SIN3A: variants seen among roughly 807,000 people sequenced by gnomAD.
SIN3A encodes the protein SIN3 transcription regulator family member A, also known as paired amphipathic helix protein Sin3a.
Under a neutral mutation model 146.1 loss-of-function variants are expected in SIN3A, and 14 were observed. The observed-to-expected ratio is 0.10, with a 90% confidence interval of 0.06 to 0.15. SIN3A has a LOEUF of 0.15. Ranked by LOEUF, SIN3A falls within the 10% of genes least tolerant of loss-of-function variation. SIN3A has a pLI of 1.00. For missense variants in SIN3A, 1,028 were observed against 1,576.0 expected (o/e 0.65, Z 5.89); for synonymous variants, 572 against 572.0 (o/e 1.00, Z 0.00).
intron 19 of SIN3A, among the ~76,000 whole-genome samples, chr15:75,376,859 T>TA (rs200318256): frequency 0.018 from 2,095 of 115,580 alleles, 31 homozygotes; most frequent in Non-Finnish European, 0.024. Context: ...GACACTGTCT[T>TA]AAAAAAAAAA....
At chr15:75,449,153 T>C (rs959106629) in intron 1 of SIN3A, among the ~76,000 whole-genome samples, 1 of 152,372 alleles carries the variant, frequency 6.6e-6, no homozygotes, top group African/African-American at 2.4e-5. Context: ...CGTTCTCCAC[T>C]ATCTCTCTCA....
At chr15:75,384,091 T>C (rs1202989091) in intron 17 of SIN3A, 173 bp downstream of exon 17, 2 of 428,196 alleles carry the variant, frequency 4.7e-6, no homozygotes, top group Non-Finnish European at 8.3e-6. Flanking sequence ...AGAAACAAAG[T>C]AGATTGTCCA....
intron 2 of SIN3A, among the ~76,000 whole-genome samples, chr15:75,427,696 G>A (rs555466350): frequency 4.0e-5 from 6 of 151,490 alleles, no homozygotes; most frequent in East Asian, 2.0e-4. Flanking sequence ...TAGGCTAGGC[G>A]TGGTGGCTCA....
rs1444952340 is a variant in SIN3A at position 75,380,713 on chromosome 15, T to C, written c.3299A>G (p.Asp1100Gly). Residue 1100 changes from aspartate (D) to glycine (G), a missense_variant, in exon 19 of 21, where the codon GAC (aspartate) becomes GGC (glycine). This residue lies in a region of SIN3A where 488 missense variants were observed against 690.2 expected (regional missense o/e 0.71). Transcript: ENST00000394947. ...DDPVEAERWS[D>G]YVERYMNSDT... ...TGAATTCATGTATCGCTCCACGTAG[T>C]CTGACCAGCGCTAAGATGGCAAACA... 1 of 1,613,738 alleles carries C rather than the reference T, an allele frequency of 6.2e-7. No individual in the cohort carries two copies. Among genetic ancestry groups the C allele is most frequent in the Non-Finnish European group, 8.5e-7 (1 of 1,179,742 alleles).
At chr15:75,438,963 C>G (rs1247832495) in intron 1 of SIN3A, among the ~76,000 whole-genome samples, 1 of 152,154 alleles carries the variant, frequency 6.6e-6, no homozygotes, top group African/African-American at 2.4e-5. Flanking sequence ...GAATGAAAGG[C>G]ACTCTATTTA....
intron 1 of SIN3A, among the ~76,000 whole-genome samples, chr15:75,440,982 C>CAAAAAAAAAAAA (rs769091157): frequency 9.8e-5 from 7 of 71,508 alleles, no homozygotes; most frequent in East Asian, 4.0e-4. Context: ...GACTCTGTCT[C>CAAAAAAAAAAAA]AAAAAAAAAA....
At chr15:75,454,285 A>C (rs1194552728), upstream of SIN3A, among the ~76,000 whole-genome samples, 1 of 152,192 alleles carries the variant, frequency 6.6e-6, no homozygotes, top group African/African-American at 2.4e-5. Context: ...CCAGTGGAAG[A>C]CAAGAGAAGG....
intron 1 of SIN3A, among the ~76,000 whole-genome samples, chr15:75,442,152 A>AC (rs2074226100): frequency 2.2e-5 from 3 of 135,216 alleles, no homozygotes; most frequent in Non-Finnish European, 4.8e-5. Flanking sequence ...AAAAAAAAAA[A>AC]ACTGATTTTT....
upstream of SIN3A, chr15:75,453,984 C>G (rs937892769): frequency 1.3e-5 from 2 of 152,292 alleles, no homozygotes; most frequent in African/African-American, 4.8e-5. Context: ...AGGAGCTAGG[C>G]GGGCCTCACA....
At chr15:75,421,298 T>C (rs895145800) in intron 3 of SIN3A, 1 of 152,204 alleles carries the variant, frequency 6.6e-6, no homozygotes, top group African/African-American at 2.4e-5. Context: ...ACTGAAAATG[T>C]TTTAAAGGAA....
intron 16 of SIN3A, among the ~76,000 whole-genome samples, chr15:75,387,416 G>A (rs951148748): frequency 2.0e-5 from 3 of 151,424 alleles, no homozygotes; most frequent in Non-Finnish European, 4.4e-5. Context: ...AGCTACTTGG[G>A]AGGCTGAGGT....
At chr15:75,380,799 AT>A in intron 18 of SIN3A, 76 bp from the exon 19 acceptor site, 1 of 953,454 alleles carries the variant, frequency 1.0e-6, no homozygotes, top group Non-Finnish European at 1.7e-6. Flanking sequence ...ACTCTAGTAA[AT>A]TCTATGATTA....
At position 75,416,673 on chromosome 15, in the gene SIN3A, T is replaced by C. The variant is rs571842886; in HGVS notation, c.367-2362A>G. Among the ~76,000 whole-genome samples, 7 of 152,280 alleles carry C rather than the reference T, an allele frequency of 4.6e-5. No homozygotes were observed. In the South Asian group the frequency reaches 1.5e-3, roughly 32 times the overall value. On this transcript the variant is annotated intron_variant, in intron 3 of 20. Coordinates refer to ENST00000394947, the MANE Select transcript of SIN3A (RefSeq NM_001145358.2). ...ACATGGCCACCTTGGCACAAACACC[T>C]TGTGGGATGGAAAAACAAATTCATT...
intron 16 of SIN3A, among the ~76,000 whole-genome samples, chr15:75,388,108 C>T (rs1020792452): frequency 6.6e-6 from 1 of 152,188 alleles, no homozygotes; most frequent in South Asian, 2.1e-4. Flanking sequence ...TATTTTAGCC[C>T]AAGAGAACAT....
chr15:75,373,302 C>T (rs1046634875), intron 20 of SIN3A, among the ~76,000 whole-genome samples: 6 of 152,104 alleles, frequency 3.9e-5, no homozygotes, highest in African/African-American at 1.4e-4. Context: ...CTCTTGAACC[C>T]GGGAAGTGGA....
chr15:75,400,665 T>A, intron 11 of SIN3A, 65 bp downstream of exon 11: 1 of 1,130,820 alleles, frequency 8.8e-7, no homozygotes, highest in South Asian at 1.3e-5. Context: ...CAATCCTTGG[T>A]ACCACCACTC....
At position 75,378,053 on chromosome 15, in the gene SIN3A, C is replaced by T. The variant is rs114870343; in HGVS notation, c.3384-2181G>A. ...GATGTGTTTGATGACCTAGCGATAG[C>T]GATATTAAATCAATGTGATTTCTTT... On this transcript the variant is annotated intron_variant, in intron 19 of 20. Coordinates refer to ENST00000394947, the MANE Select transcript of SIN3A (RefSeq NM_001145358.2). Among the ~76,000 whole-genome samples the T allele has an allele frequency of 7.3e-3, 1,105 of 152,194 alleles. 13 individuals are homozygous for T. The highest frequency in any genetic ancestry group is 0.025 in the African/African-American group (1,054 of 41,520).
At chr15:75,387,098 T>A (rs951077803) in intron 16 of SIN3A, among the ~76,000 whole-genome samples, 1 of 152,172 alleles carries the variant, frequency 6.6e-6, no homozygotes, top group Admixed American at 6.5e-5. Context: ...TGAGCCACCA[T>A]GACCAGCCTT....
In SIN3A at chr15:75,411,634, G is replaced by A. The variant is rs1347764887; in HGVS notation, c.866C>T (p.Ser289Leu). The change falls in exon 6 of 21, where the codon TCG becomes TTG. Residue 289 changes from serine to leucine, a missense_variant. Ser to Leu is a moderately radical substitution (Grantham distance 145). Coordinates refer to ENST00000394947, the MANE Select transcript of SIN3A (RefSeq NM_001145358.2). ...PVQPHTPVTI[S>L]LGTAPSLQNN... is the part of the protein sequence containing the mutation. Reference sequence around the variant, plus strand: ...CTGCAAGGATGGGGCCGTTCCCAACGAGATTGTCACTGGTGTGTGAGGCTG... The same window carrying A: ...CTGCAAGGATGGGGCCGTTCCCAACAAGATTGTCACTGGTGTGTGAGGCTG... 3 of 1,614,082 alleles carry A rather than the reference G, an allele frequency of 1.9e-6. No individual in the cohort carries two copies. Among genetic ancestry groups the A allele is most frequent in the Admixed American group, 3.3e-5 (2 of 59,998 alleles).
Sources: gnomAD v4.1 joint callset for allele counts (sites outside exome capture counted in the v4.1 genomes callset) on GRCh38, gnomAD v4.1.1 for gene constraint, gnomAD v4.1.1 regional missense constraint, MANE v1.5 for transcripts, NCBI Gene and HGNC (gene_info 2026-07-23, HGNC 2026-07-21) for gene names.